Variants in PRELID2 observed in about 807,000 individuals in gnomAD.
The protein encoded by PRELID2 is PRELI domain containing 2.
In PRELID2, 25 loss-of-function variants were observed where a neutral mutation model predicts 28.4. That is an observed-to-expected ratio of 0.88 (90% CI 0.64 to 1.23). PRELID2 has a LOEUF of 1.23. Ranked by LOEUF, PRELID2 falls within the 50% of genes most tolerant of loss-of-function variation. The pLI, the probability that PRELID2 is intolerant of heterozygous loss-of-function variation, is 0.00. For synonymous variants in PRELID2, 76 were observed against 71.6 expected, an observed-to-expected ratio of 1.06 and a Z score of -0.31; for missense variants, 201 against 214.4, an observed-to-expected ratio of 0.94 and a Z score of 0.39.
At chr5:145,327,579 T>C in the PRELID2 span, among the ~76,000 whole-genome samples, 1 of 152,136 alleles carries the variant, frequency 6.6e-6, no homozygotes, top group Non-Finnish European at 1.5e-5. Flanking sequence ...GTCTTTTGAT[T>C]GGAGAATGTA....
the PRELID2 span, among the ~76,000 whole-genome samples, chr5:145,239,251 C>T: frequency 6.6e-6 from 1 of 152,024 alleles, no homozygotes; most frequent in Non-Finnish European, 1.5e-5. Context: ...GAAAGAAATA[C>T]TAATGAGCAA....
chr5:145,328,283 C>A, the PRELID2 span, among the ~76,000 whole-genome samples: 2 of 152,122 alleles, frequency 1.3e-5, no homozygotes, highest in Non-Finnish European at 2.9e-5. Flanking sequence ...GATTTATAAT[C>A]CTTTTGGTAT....
At chr5:145,453,740 T>C in the PRELID2 span, among the ~76,000 whole-genome samples, 1 of 152,184 alleles carries the variant, frequency 6.6e-6, no homozygotes, top group Non-Finnish European at 1.5e-5. Flanking sequence ...CTGTGTTAGT[T>C]TGCTGAGAAT....
chr5:145,790,721 G>GTGTGTGTGTGTGTATA (rs772901344), intron 5 of PRELID2, among the ~76,000 whole-genome samples: 7,225 of 110,722 alleles, frequency 0.065, 383 homozygotes, highest in Non-Finnish European at 0.098. Flanking sequence ...GTGTGTGTGT[G>GTGTGTGTGTGTGTATA]TATATATATA....
the PRELID2 span, among the ~76,000 whole-genome samples, chr5:145,262,026 A>G: frequency 6.6e-6 from 1 of 152,216 alleles, no homozygotes; most frequent in Non-Finnish European, 1.5e-5. Flanking sequence ...AGAATGAAGG[A>G]CACACTTAGA....
At chr5:145,389,584 ACT>A in the PRELID2 span, among the ~76,000 whole-genome samples, 2 of 152,124 alleles carry the variant, frequency 1.3e-5, no homozygotes, top group African/African-American at 4.8e-5. Context: ...AGTGGTAACA[ACT>A]CTATTTAACA....
chr5:145,596,531 T>C (rs1753309532), intron 1 of PRELID2, among the ~76,000 whole-genome samples: 1 of 152,068 alleles, frequency 6.6e-6, no homozygotes, highest in African/African-American at 2.4e-5. Flanking sequence ...GTTCTTGTTG[T>C]TGTTCCTGCT....
At chr5:145,654,629 C>A (rs1012963179) in intron 1 of PRELID2, among the ~76,000 whole-genome samples, 4 of 152,102 alleles carry the variant, frequency 2.6e-5, no homozygotes, top group Non-Finnish European at 5.9e-5. Flanking sequence ...AGCATATAAG[C>A]AGAAACAAAG....
At chr5:145,677,098 A>G (rs1479072944) in intron 1 of PRELID2, among the ~76,000 whole-genome samples, 1 of 151,190 alleles carries the variant, frequency 6.6e-6, no homozygotes, top group Non-Finnish European at 1.5e-5. Flanking sequence ...TAATTATTTT[A>G]GTATAATGAT....
chr5:145,597,757 A>G (rs1277211568), intron 1 of PRELID2, among the ~76,000 whole-genome samples: 1 of 152,142 alleles, frequency 6.6e-6, no homozygotes, highest in African/African-American at 2.4e-5. Context: ...AAAATCCCAG[A>G]TCTAGATTTC....
the PRELID2 span, among the ~76,000 whole-genome samples, chr5:145,421,624 T>C: frequency 7.2e-6 from 1 of 139,340 alleles, no homozygotes; most frequent in East Asian, 2.0e-4. Flanking sequence ...TCTTCTCTCT[T>C]TTTTTCTTTA....
intron 1 of PRELID2, among the ~76,000 whole-genome samples, chr5:145,566,732 C>T (rs1351692035): frequency 2.7e-5 from 4 of 150,152 alleles, no homozygotes; most frequent in East Asian, 2.0e-4. Context: ...CCCAGCTGCT[C>T]GGGAGGGTGA....
In PRELID2 at chr5:145,654,175, T is replaced by C. The variant is rs189310396; in HGVS notation, n.70+110756A>G. On this transcript the variant is annotated intron_variant and non_coding_transcript_variant, in intron 1 of 2. Transcript: ENST00000510259. ...AGAAATGGATAAATTCCTGGACACA[T>C]ACACCCTCCCAAGACTAAACCAGGA... is the stretch of plus-strand genomic sequence containing the variant. Among the ~76,000 whole-genome samples, 198 of 152,166 alleles carry C rather than the reference T, an allele frequency of 1.3e-3. 2 individuals are homozygous for C. The highest frequency in any genetic ancestry group is 4.6e-3 in the African/African-American group (192 of 41,522).
At chr5:145,566,661 G>A (rs1396622068) in intron 1 of PRELID2, among the ~76,000 whole-genome samples, 1 of 152,138 alleles carries the variant, frequency 6.6e-6, no homozygotes, top group Non-Finnish European at 1.5e-5. Flanking sequence ...TCAACATGGT[G>A]AAATTCTGTC....
At chr5:145,492,418 G>T (rs918740832) in intron 1 of PRELID2, among the ~76,000 whole-genome samples, 1 of 100,504 alleles carries the variant, frequency 9.9e-6, no homozygotes, top group Non-Finnish European at 2.5e-5. Flanking sequence ...TTTGGATATT[G>T]ACCCCTTATC....
rs369777053 is a variant in PRELID2 at position 145,626,972 on chromosome 5, T to C, written n.70+137959A>G. Among the ~76,000 whole-genome samples the C allele has an allele frequency of 2.0e-4, 30 of 151,672 alleles. No homozygotes were observed. In the South Asian group the frequency reaches 6.1e-3, roughly 31 times the overall value. On this transcript the variant is annotated intron_variant and non_coding_transcript_variant, in intron 1 of 2. Transcript: ENST00000510259. ...AAAATCAGCTAGGCATGGTGGCAGA[T>C]GCCTGTAGTCCCAGCTATTCTAGAG... is the stretch of plus-strand genomic sequence containing the variant.
the PRELID2 span, among the ~76,000 whole-genome samples, chr5:145,448,761 A>G: frequency 6.6e-6 from 1 of 152,120 alleles, no homozygotes; most frequent in Non-Finnish European, 1.5e-5. Flanking sequence ...GGAAAATAAT[A>G]CCTATGTCAT....
intron 5 of PRELID2, among the ~76,000 whole-genome samples, chr5:145,774,035 T>G (rs1042805162): frequency 1.2e-4 from 19 of 152,352 alleles, no homozygotes; most frequent in African/African-American, 4.1e-4. Flanking sequence ...AGTCAGGTGT[T>G]TCCTTTCAAC....
chr5:145,346,340 C>T, the PRELID2 span, among the ~76,000 whole-genome samples: 2 of 152,090 alleles, frequency 1.3e-5, no homozygotes, highest in African/African-American at 4.8e-5. Flanking sequence ...TGTTTGATTG[C>T]TAAGATGTGT....
Sources: gnomAD v4.1 joint callset for allele counts (sites outside exome capture counted in the v4.1 genomes callset) on GRCh38, gnomAD v4.1.1 for gene constraint, MANE v1.5 for transcripts, NCBI Gene and HGNC (gene_info 2026-07-23, HGNC 2026-07-21) for gene names.